Variants in GEN1 observed in about 807,000 individuals in gnomAD.
GEN1 encodes the protein flap endonuclease GEN homolog 1.
A neutral mutation model predicts 67.6 loss-of-function variants in GEN1; 64 were observed. The ratio of observed to expected loss-of-function variants is 0.95; its 90% CI spans 0.77 to 1.17. The LOEUF is 1.17. Among genes scored for constraint, GEN1 ranks in the 50% most tolerant of loss-of-function variants. The pLI is 0.00. For missense variants in GEN1, 1,058 were observed against 1,048.3 expected (o/e 1.01, Z -0.13); for synonymous variants, 371 against 359.4 (o/e 1.03, Z -0.37).
In GEN1 at chr2:17,778,174, G is replaced by T. The variant is rs1222193703; in HGVS notation, c.1264+111G>T. 2.1e-5 allele frequency: 9 copies of T among 420,342 alleles called. No individual in the cohort carries two copies. The East Asian group carries it at 3.8e-4, about 18-fold the overall frequency. 26.0% of individuals were successfully genotyped at this position (420,342 alleles called of 1,614,324 possible). On this transcript the variant is annotated intron_variant, in intron 12 of 13. Transcript: ENST00000381254. The stretch of plus-strand genomic sequence containing the variant: ...TATATACACACACACATAGATATGT[G>T]TATATATATATATACACACACACAT...
At chr2:17,760,978 C>T (rs1406886805) in intron 2 of GEN1, among the ~76,000 whole-genome samples, 2 of 150,482 alleles carry the variant, frequency 1.3e-5, no homozygotes, top group African/African-American at 2.4e-5. Context: ...CACTTGTATT[C>T]CTAGCACTTT....
Position 17,757,572 on chromosome 2 carries a change from C to G in GEN1, c.-15-2357C>G, listed in dbSNP as rs572787469. On this transcript the variant is annotated intron_variant, in intron 1 of 13. Transcript: ENST00000381254. ...TTAGAAACAGGGTAGGAATGTTGAA[C>G]CTTAGAACCGGAAGTTGCCAGAGAA... Among the ~76,000 whole-genome samples the G allele has an allele frequency of 1.1e-4, 16 of 152,202 alleles. No individual in the cohort carries two copies. The South Asian group carries it at 3.3e-3, about 31-fold the overall frequency.
chr2:17,761,332 A>T, intron 2 of GEN1, 64 bp from the exon 3 acceptor site: 2 of 850,402 alleles, frequency 2.4e-6, no homozygotes, highest in Non-Finnish European at 3.7e-6. Context: ...CCTTTGTGTT[A>T]TACTATTTTG....
In GEN1 at chr2:17,783,068, G is replaced by GT. The variant is rs796084115; in HGVS notation, c.*1138dup. 77 of 151,016 alleles carry GT rather than the reference G, an allele frequency of 5.1e-4. No individual in the cohort carries two copies. The highest frequency in any genetic ancestry group is 1.7e-3 in the South Asian group (8 of 4,772). The allele number at this position is 151,016 out of a possible 1,614,324, so 9.4% of individuals were successfully genotyped here. A position where few individuals can be genotyped will look rare whatever the true frequency, so the allele number is the denominator to read the frequency against. On this transcript the variant is annotated 3_prime_UTR_variant, in exon 14 of 14. Coordinates refer to ENST00000381254, the MANE Select transcript of GEN1 (RefSeq NM_001130009.3). ...CATTGCATTTTGTTTTTGTTTGTTT[G>GT]TTTTTTTTTGAGACAGAGTCTCACT...
At chr2:17,775,037 T>G (rs1558406136) in intron 11 of GEN1, among the ~76,000 whole-genome samples, 3 of 152,100 alleles carry the variant, frequency 2.0e-5, no homozygotes, top group African/African-American at 7.2e-5. Context: ...TAAAGAAATA[T>G]AATATTTTTA....
chr2:17,759,457 C>T (rs554815112), intron 1 of GEN1, among the ~76,000 whole-genome samples: 11 of 152,272 alleles, frequency 7.2e-5, no homozygotes, highest in African/African-American at 2.6e-4. Flanking sequence ...AAAGCCAACG[C>T]CCTTTTAAGA....
At chr2:17,775,744 T>C (rs1672395332) in intron 11 of GEN1, among the ~76,000 whole-genome samples, 1 of 152,200 alleles carries the variant, frequency 6.6e-6, no homozygotes, top group Non-Finnish European at 1.5e-5. Context: ...AACTCAGTGA[T>C]TAATTACCAA....
At position 17,784,737 on chromosome 2, in the gene GEN1, A is replaced by T. The variant is rs979675054; in HGVS notation, c.*2798A>T. 1 of 152,252 alleles carries T rather than the reference A, an allele frequency of 6.6e-6. No individual in the cohort carries two copies. Among genetic ancestry groups the T allele is most frequent in the Non-Finnish European group, 1.5e-5 (1 of 68,048 alleles). The allele number at this position is 152,252 out of a possible 1,614,324, so 9.4% of individuals were successfully genotyped here. A position where few individuals can be genotyped will look rare whatever the true frequency, so the allele number is the denominator to read the frequency against. On this transcript the variant is annotated 3_prime_UTR_variant, in exon 14 of 14. Coordinates refer to ENST00000381254, the MANE Select transcript of GEN1 (RefSeq NM_001130009.3). Reference sequence around the variant, plus strand: ...TAAAACATTTTCCAAGGTTCTGCTTATTCTGATTTGTTCAGTCGTGGCTGT... The same window carrying T: ...TAAAACATTTTCCAAGGTTCTGCTTTTTCTGATTTGTTCAGTCGTGGCTGT...
In GEN1 at chr2:17,781,418, A is replaced by C; in HGVS notation, c.2206A>C (p.Lys736Gln). The C allele has an allele frequency of 1.9e-6, 3 of 1,613,748 alleles. No homozygotes were observed. Among genetic ancestry groups the C allele is most frequent in the Non-Finnish European group, 2.5e-6 (3 of 1,179,912 alleles). ...IPLQNESRDSKILKGDQLLQE... is the reference protein window; with the variant it reads ...IPLQNESRDSQILKGDQLLQE... ...CTTGCAAAATGAATCCAGAGACTCTAAAATTCTAAAAGGAGACCAGCTGCT... is the reference window on the plus strand; with the variant it reads ...CTTGCAAAATGAATCCAGAGACTCTCAAATTCTAAAAGGAGACCAGCTGCT... The change falls in exon 14 of 14, where the codon AAA (lysine) becomes CAA (glutamine). Residue 736 changes from lysine (K) to glutamine (Q), a missense_variant. By Grantham distance (53) the Lys-to-Gln change is moderately conservative (BLOSUM62 1). Coordinates refer to ENST00000381254, the MANE Select transcript of GEN1 (RefSeq NM_001130009.3).
chr2:17,761,136 C>G (rs977461507), intron 2 of GEN1, among the ~76,000 whole-genome samples: 2 of 150,466 alleles, frequency 1.3e-5, no homozygotes, highest in Non-Finnish European at 1.5e-5. Flanking sequence ...GGGACTGAGG[C>G]AGGAAGATCA....
rs1257886185 is a variant in GEN1, at chr2:17,781,972, T to A, written c.*33T>A. 1 of 1,223,632 alleles carries A rather than the reference T, an allele frequency of 8.2e-7. No homozygotes were observed. Among genetic ancestry groups the A allele is most frequent in the African/African-American group, 1.5e-5 (1 of 65,842 alleles). The allele number at this position is 1,223,632 out of a possible 1,614,324, so 75.8% of individuals were successfully genotyped here. ...AACACTTAGGTATAACTTAACTATTTTAGTACTATCAGCAATAGCAGAGAC... is the reference window on the plus strand; with the variant it reads ...AACACTTAGGTATAACTTAACTATTATAGTACTATCAGCAATAGCAGAGAC... On this transcript the variant is annotated 3_prime_UTR_variant, in exon 14 of 14. Transcript: ENST00000381254.
In GEN1 at chr2:17,754,196, G is replaced by A. The variant is rs1184649442; in HGVS notation, c.-165G>A. 1 of 152,052 alleles carries A rather than the reference G, an allele frequency of 6.6e-6. No individual in the cohort carries two copies. Among genetic ancestry groups the A allele is most frequent in the East Asian group, 1.9e-4 (1 of 5,154 alleles). 9.4% of individuals were successfully genotyped at this position (152,052 alleles called of 1,614,324 possible). Reference sequence around the variant, plus strand: ...CCTGGCGGTTGAGCCCGGGGAGCTAGTCTTTGCTTGGGTAAAGAAAGAGGA... The same window carrying A: ...CCTGGCGGTTGAGCCCGGGGAGCTAATCTTTGCTTGGGTAAAGAAAGAGGA... On this transcript the variant is annotated 5_prime_UTR_variant, in exon 1 of 14. Transcript: ENST00000381254.
intron 4 of GEN1, among the ~76,000 whole-genome samples, chr2:17,765,739 A>T (rs1225331966): frequency 6.6e-6 from 1 of 152,236 alleles, no homozygotes; most frequent in Non-Finnish European, 1.5e-5. Context: ...TGAAAAGGCT[A>T]TTATTGACAT....
At chr2:17,762,058 CTG>C (rs1283465549) in intron 3 of GEN1, among the ~76,000 whole-genome samples, 1 of 151,894 alleles carries the variant, frequency 6.6e-6, no homozygotes, top group Non-Finnish European at 1.5e-5. Context: ...ATTTTAAAAA[CTG>C]TCGTTACATT....
chr2:17,763,452 G>T (rs527544311), intron 3 of GEN1, among the ~76,000 whole-genome samples: 11 of 152,084 alleles, frequency 7.2e-5, no homozygotes, highest in Non-Finnish European at 1.6e-4. Context: ...GTGTTCTTAG[G>T]CATTTTGTGT....
At chr2:17,768,677 A>G (rs1032179498) in intron 5 of GEN1, 61 bp from the exon 6 acceptor site, 1 of 1,197,064 alleles carries the variant, frequency 8.4e-7, no homozygotes, top group Non-Finnish European at 1.2e-6. Context: ...TTCAATTAAT[A>G]TACTTTTAAC....
Position 17,768,783 on chromosome 2 carries a change from A to AT in GEN1, c.686dup (p.Leu229PhefsTer11), listed in dbSNP as rs777270197. On this transcript the variant is annotated frameshift_variant, in exon 6 of 14. Coordinates refer to ENST00000381254, the MANE Select transcript of GEN1 (RefSeq NM_001130009.3). LOFTEE classifies it high-confidence loss of function. ...AGAGCAAGCATTAAAACTTATACAG[A>AT]TTTTGAAAGGGCAAAGTTTACTTCA... The AT allele has an allele frequency of 5.0e-6, 8 of 1,610,990 alleles. 1 individual carries two copies. In the South Asian group the frequency reaches 7.7e-5, roughly 16 times the overall value.
At position 17,788,284 on chromosome 2, in the gene GEN1, C is replaced by A. The variant is rs982157221; in HGVS notation, c.*6345C>A. On this transcript the variant is annotated 3_prime_UTR_variant, in exon 14 of 14. Coordinates refer to ENST00000381254, the MANE Select transcript of GEN1 (RefSeq NM_001130009.3). ...CTCAGCTAACAGCTTGCATTAGCCT[C>A]TTTCAGGAACTTGCCACATTGCCTA... 12 of 152,226 alleles carry A rather than the reference C, an allele frequency of 7.9e-5. No homozygotes were observed. The highest frequency in any genetic ancestry group is 2.9e-4 in the African/African-American group (12 of 41,464). The allele number at this position is 152,226 out of a possible 1,614,324, so 9.4% of individuals were successfully genotyped here.
chr2:17,778,259 T>TAC lies in GEN1; in HGVS notation c.1264+197_1264+198insCA, dbSNP rs1558408955. 8.6e-4 allele frequency among the ~76,000 whole-genome samples: 30 copies of TAC among 34,888 alleles called. 4 individuals are homozygous for TAC. Among genetic ancestry groups the TAC allele is most frequent in the Non-Finnish European group, 1.3e-3 (19 of 14,588 alleles). The allele number at this position is 34,888 out of a possible 152,430, so 22.9% of individuals were successfully genotyped here. ...GTGTGTACATATATGTATACACACA[T>TAC]ATGTGTGTACATATATGTATATACA... is the stretch of plus-strand genomic sequence containing the variant. On this transcript the variant is annotated intron_variant, in intron 12 of 13. Coordinates refer to ENST00000381254, the MANE Select transcript of GEN1 (RefSeq NM_001130009.3).
Sources: gnomAD v4.1 joint callset for allele counts (sites outside exome capture counted in the v4.1 genomes callset) on GRCh38, gnomAD v4.1.1 for gene constraint, MANE v1.5 for transcripts, NCBI Gene and HGNC (gene_info 2026-07-23, HGNC 2026-07-21) for gene names.